Variants in ADGRB3 observed in about 807,000 individuals in gnomAD.
The protein encoded by ADGRB3 is adhesion G protein-coupled receptor B3, also known as brain-specific angiogenesis inhibitor 3.
A neutral mutation model predicts 193.4 loss-of-function variants in ADGRB3; 37 were observed. That is an observed-to-expected ratio of 0.19 (90% CI 0.15 to 0.25). The LOEUF is 0.25. Among genes scored for constraint, ADGRB3 ranks in the 10% least tolerant of loss-of-function variants. ADGRB3 has a pLI of 1.00. For missense variants in ADGRB3, 1,637 were observed against 1,852.9 expected, an observed-to-expected ratio of 0.88 and a Z score of 2.14; for synonymous variants, 690 against 644.2, an observed-to-expected ratio of 1.07 and a Z score of -1.08.
At chr6:69,150,707 A>G (rs9346266) in intron 17 of ADGRB3, among the ~76,000 whole-genome samples, 97,229 of 152,084 alleles carry the variant, frequency 0.64, 32,331 homozygotes, top group East Asian at 0.95. Context: ...CTATAGCTGG[A>G]AATATGCTAG....
chr6:68,872,999 C>A (rs1322233237), intron 3 of ADGRB3, among the ~76,000 whole-genome samples: 1 of 152,056 alleles, frequency 6.6e-6, no homozygotes, highest in Non-Finnish European at 1.5e-5. Context: ...GAATATTTGG[C>A]TGTTTAGATT....
At position 69,262,323 on chromosome 6, in the gene ADGRB3, C is replaced by T. The variant is rs1766947053; in HGVS notation, c.2814+23097C>T. Among the ~76,000 whole-genome samples the T allele has an allele frequency of 2.0e-5, 3 of 152,110 alleles. No homozygotes were observed. The South Asian group carries it at 6.2e-4, about 32-fold the overall frequency. On this transcript the variant is annotated intron_variant, in intron 20 of 31. Coordinates refer to ENST00000370598, the MANE Select transcript of ADGRB3 (RefSeq NM_001704.3). Reference sequence around the variant, plus strand: ...TTGACACCTTGGACTGAAAGTCACTCAGTAAAGAGATAGGCAAACTTGAAA... The same window carrying T: ...TTGACACCTTGGACTGAAAGTCACTTAGTAAAGAGATAGGCAAACTTGAAA...
At chr6:69,187,683 A>G (rs1765099603) in intron 17 of ADGRB3, among the ~76,000 whole-genome samples, 1 of 152,212 alleles carries the variant, frequency 6.6e-6, no homozygotes, top group Non-Finnish European at 1.5e-5. Flanking sequence ...GTTTCAACAC[A>G]AATCAGAGGA....
intron 30 of ADGRB3, among the ~76,000 whole-genome samples, chr6:69,377,783 A>T (rs1334340464): frequency 6.6e-6 from 1 of 152,102 alleles, no homozygotes; most frequent in African/African-American, 2.4e-5. Flanking sequence ...TGTGATTCAC[A>T]CTTATGAATT....
chr6:68,782,978 A>AT (rs1766887051), intron 3 of ADGRB3, among the ~76,000 whole-genome samples: 1 of 151,960 alleles, frequency 6.6e-6, no homozygotes, highest in Non-Finnish European at 1.5e-5. Context: ...AAAAATTGTC[A>AT]TTTTTAAAGA....
intron 20 of ADGRB3, among the ~76,000 whole-genome samples, chr6:69,296,935 A>T (rs528346573): frequency 3.3e-5 from 5 of 152,138 alleles, no homozygotes; most frequent in African/African-American, 9.6e-5. Flanking sequence ...TGCCTTTTAA[A>T]CCAATGTAAA....
At chr6:68,777,314 C>A (rs1348212834) in intron 3 of ADGRB3, among the ~76,000 whole-genome samples, 1 of 152,054 alleles carries the variant, frequency 6.6e-6, no homozygotes, top group Non-Finnish European at 1.5e-5. Context: ...TATCTTCAAA[C>A]GTCAACATTT....
chr6:69,079,324 G>A (rs574060052), intron 17 of ADGRB3, among the ~76,000 whole-genome samples: 8 of 151,996 alleles, frequency 5.3e-5, no homozygotes, highest in Non-Finnish European at 1.0e-4. Context: ...GTAAATCGGA[G>A]AATATTTTTT....
chr6:68,704,834 GAAAC>G (rs751948344), intron 3 of ADGRB3, among the ~76,000 whole-genome samples: 4 of 152,170 alleles, frequency 2.6e-5, no homozygotes, highest in African/African-American at 4.8e-5. Flanking sequence ...AAATCTAAAT[GAAAC>G]AAACAGTCTT....
chr6:69,204,046 A>G (rs1394156096), intron 17 of ADGRB3, among the ~76,000 whole-genome samples: 1 of 152,118 alleles, frequency 6.6e-6, no homozygotes, highest in African/African-American at 2.4e-5. Context: ...GAACACATTT[A>G]GTTTTTAATA....
At position 69,350,031 on chromosome 6, in the gene ADGRB3, G is replaced by A. The variant is rs189483494; in HGVS notation, c.3460-4202G>A. Among the ~76,000 whole-genome samples the A allele has an allele frequency of 5.7e-3, 864 of 152,284 alleles. 9 individuals are homozygous for A. Among genetic ancestry groups the A allele is most frequent in the African/African-American group, 0.02 (824 of 41,550 alleles). On this transcript the variant is annotated intron_variant, in intron 26 of 31. Transcript: ENST00000370598. Reference sequence around the variant, plus strand: ...CTTCAGAGCGAAGACCAGTCCAGAAGCTCTCAGCCTGCTGCTGTTGATATA... The same window carrying A: ...CTTCAGAGCGAAGACCAGTCCAGAAACTCTCAGCCTGCTGCTGTTGATATA...
At chr6:69,289,574 T>C (rs1010238532) in intron 20 of ADGRB3, among the ~76,000 whole-genome samples, 4 of 152,174 alleles carry the variant, frequency 2.6e-5, no homozygotes, top group South Asian at 2.1e-4. Flanking sequence ...CCCTATTTTA[T>C]GCCTCATCCA....
intron 3 of ADGRB3, among the ~76,000 whole-genome samples, chr6:68,924,519 C>T (rs1399695674): frequency 6.6e-6 from 1 of 151,936 alleles, no homozygotes; most frequent in African/African-American, 2.4e-5. Context: ...TTGGTAATCA[C>T]TTCTACAAAA....
At chr6:69,153,543 G>C (rs1319637069) in intron 17 of ADGRB3, among the ~76,000 whole-genome samples, 1 of 152,050 alleles carries the variant, frequency 6.6e-6, no homozygotes, top group Non-Finnish European at 1.5e-5. Context: ...TTTTCAACAA[G>C]GTATGACAGC....
intron 3 of ADGRB3, among the ~76,000 whole-genome samples, chr6:68,923,619 G>A (rs921016262): frequency 6.6e-6 from 1 of 151,964 alleles, no homozygotes; most frequent in African/African-American, 2.4e-5. Context: ...TATGTATACA[G>A]TGATATTGCT....
chr6:69,084,145 T>A (rs3823070), intron 17 of ADGRB3, among the ~76,000 whole-genome samples: 2 of 152,218 alleles, frequency 1.3e-5, no homozygotes, highest in South Asian at 4.2e-4. Flanking sequence ...GTGTTTGATC[T>A]TTCATCTTTT....
chr6:69,129,087 A>T (rs541863834), intron 17 of ADGRB3, among the ~76,000 whole-genome samples: 1 of 152,298 alleles, frequency 6.6e-6, no homozygotes, highest in East Asian at 1.9e-4. Flanking sequence ...TACGAACAGT[A>T]GCCATGTTTT....
At chr6:69,248,445 GAAGAGAGTAGAATTTAAGTTATCACTA>G (rs1270812462) in intron 20 of ADGRB3, among the ~76,000 whole-genome samples, 1 of 152,226 alleles carries the variant, frequency 6.6e-6, no homozygotes, top group African/African-American at 2.4e-5. Flanking sequence ...AATATGAGGT[GAAGAGAGTAGAATTTAAGTTATCACTA>G]AAGATCTGTT....
chr6:69,204,515 G>T (rs796356382), intron 17 of ADGRB3, among the ~76,000 whole-genome samples: 79 of 152,182 alleles, frequency 5.2e-4, no homozygotes, highest in African/African-American at 1.9e-3. Context: ...TAAGGCATTG[G>T]ACTTAAGATC....
Sources: allele counts gnomAD v4.1 joint callset (sites outside exome capture counted in the v4.1 genomes callset), GRCh38; gene constraint gnomAD v4.1.1; transcripts MANE v1.5; gene names NCBI Gene and HGNC (gene_info 2026-07-23, HGNC 2026-07-21).